RHBDD1: variants seen among roughly 807,000 people sequenced by gnomAD.
RHBDD1 encodes the protein rhomboid domain containing 1.
A neutral mutation model predicts 36.3 loss-of-function variants in RHBDD1; 38 were observed. The observed-to-expected ratio is 1.05, with a 90% CI of 0.81 to 1.37. RHBDD1 has a LOEUF of 1.37. Among genes scored for constraint, RHBDD1 ranks in the 40% most tolerant of loss-of-function variants. The pLI is 0.00. For synonymous variants in RHBDD1, 151 were observed against 136.5 expected (o/e 1.11, Z -0.74); for missense variants, 393 against 377.6 (o/e 1.04, Z -0.34).
intron 8 of RHBDD1, among the ~76,000 whole-genome samples, chr2:226,991,836 A>G (rs6728239): frequency 0.43 from 65,564 of 151,978 alleles, 14,267 homozygotes; most frequent in South Asian, 0.57. Flanking sequence ...CCCCTTTTTC[A>G]GTAGCCTCCT....
chr2:226,915,584 G>A (rs540649804), intron 8 of RHBDD1, among the ~76,000 whole-genome samples: 129 of 152,298 alleles, frequency 8.5e-4, no homozygotes, highest in Middle Eastern at 6.8e-3. Flanking sequence ...CAAGCATTAT[G>A]CTAGGTGATG....
chr2:226,988,188 T>C (rs1957418106), intron 8 of RHBDD1: 1 of 669,282 alleles, frequency 1.5e-6, no homozygotes, highest in Admixed American at 3.3e-5. Context: ...TTTAAAATAA[T>C]GTAATTAAAA....
chr2:226,921,025 C>T (rs1215844631), intron 8 of RHBDD1, among the ~76,000 whole-genome samples: 2 of 151,986 alleles, frequency 1.3e-5, no homozygotes, highest in African/African-American at 4.8e-5. Context: ...TATTATGGCA[C>T]CAATCTCATT....
intron 3 of RHBDD1, 88 bp from the exon 4 acceptor site, chr2:226,864,516 C>A: frequency 1.7e-6 from 1 of 589,414 alleles, no homozygotes; most frequent in Admixed American, 3.2e-5. Flanking sequence ...GTAGCATTTG[C>A]CTCATGGGAG....
intron 5 of RHBDD1, among the ~76,000 whole-genome samples, chr2:226,891,008 A>G (rs1022643838): frequency 2.0e-5 from 3 of 151,916 alleles, no homozygotes; most frequent in African/African-American, 4.8e-5. Context: ...CCCACCCCCA[A>G]CGCCTGTTTT....
chr2:226,838,196 A>C (rs1941201440), intron 2 of RHBDD1, 42 bp downstream of exon 2: 1 of 152,188 alleles, frequency 6.6e-6, no homozygotes, highest in African/African-American at 2.4e-5. Context: ...TTTTGATGAG[A>C]GCACGCTGCT....
intron 5 of RHBDD1, among the ~76,000 whole-genome samples, chr2:226,885,237 A>T (rs1274936610): frequency 6.6e-6 from 1 of 152,184 alleles, no homozygotes; most frequent in Non-Finnish European, 1.5e-5. Flanking sequence ...GGGGCTGTAC[A>T]TTGGTATAAA....
At chr2:226,821,217 G>C in the RHBDD1 span, among the ~76,000 whole-genome samples, 1 of 152,114 alleles carries the variant, frequency 6.6e-6, no homozygotes, top group African/African-American at 2.4e-5. Flanking sequence ...TTCAGAAGTT[G>C]GTCATACCAC....
intron 5 of RHBDD1, among the ~76,000 whole-genome samples, chr2:226,873,079 T>C (rs1054201503): frequency 2.6e-5 from 4 of 152,174 alleles, no homozygotes; most frequent in African/African-American, 7.2e-5. Context: ...ATGACTTTAC[T>C]GCAAGTGCTA....
intron 5 of RHBDD1, among the ~76,000 whole-genome samples, chr2:226,879,141 AGGACCTTTGATTTCAG>A (rs1190211383): frequency 6.6e-6 from 1 of 152,170 alleles, no homozygotes; most frequent in Non-Finnish European, 1.5e-5. Context: ...TATTATTTCA[AGGACCTTTGATTTCAG>A]CTATGTTTGT....
intron 6 of RHBDD1, among the ~76,000 whole-genome samples, chr2:226,907,430 T>C (rs181310093): frequency 1.3e-5 from 2 of 152,326 alleles, no homozygotes; most frequent in Non-Finnish European, 2.9e-5. Context: ...AAATTGATAC[T>C]CAATGAAAAT....
Position 226,836,409 on chromosome 2 carries a change from G to A in RHBDD1, c.-392+322G>A, listed in dbSNP as rs74800832. Among the ~76,000 whole-genome samples, 956 of 152,344 alleles carry A rather than the reference G, an allele frequency of 6.3e-3. 9 individuals carry two copies. The highest frequency in any genetic ancestry group is 0.022 in the African/African-American group (906 of 41,574). Reference sequence around the variant, plus strand: ...GGGTTGGCGCTGAGCGAGTTTAAAGGGTTCCTTTTGAAAGCAGGAAGTTTG... The same window carrying A: ...GGGTTGGCGCTGAGCGAGTTTAAAGAGTTCCTTTTGAAAGCAGGAAGTTTG... On this transcript the variant is annotated intron_variant, in intron 1 of 8. Transcript: ENST00000392062.
intron 8 of RHBDD1, among the ~76,000 whole-genome samples, chr2:226,926,269 A>G (rs965296528): frequency 3.9e-5 from 6 of 151,940 alleles, no homozygotes; most frequent in Admixed American, 6.6e-5. Context: ...TATCTACAAC[A>G]TCATGGCCAC....
chr2:226,966,088 ATG>A (rs1952607537), intron 8 of RHBDD1, among the ~76,000 whole-genome samples: 1 of 152,324 alleles, frequency 6.6e-6, no homozygotes, highest in East Asian at 1.9e-4. Flanking sequence ...AAATCAATAA[ATG>A]TGACTCGCCA....
At position 226,959,808 on chromosome 2, in the gene RHBDD1, CT is replaced by C. The variant is rs529315790; in HGVS notation, c.857-35614del. ...GGGTCATGTGGAAAGTGTATGTTTA[CT>C]TTTTTTTTGTTGTTTGTTTATTTTT... On this transcript the variant is annotated intron_variant, in intron 8 of 8. Transcript: ENST00000392062. 1.9e-3 allele frequency among the ~76,000 whole-genome samples: 285 copies of C among 151,318 alleles called. 1 individual carries two copies. Among genetic ancestry groups the C allele is most frequent in the Non-Finnish European group, 2.6e-3 (174 of 67,718 alleles).
intron 3 of RHBDD1, among the ~76,000 whole-genome samples, chr2:226,843,964 G>A (rs1941945108): frequency 6.6e-6 from 1 of 152,048 alleles, no homozygotes; most frequent in Admixed American, 6.6e-5. Flanking sequence ...TCATTTATTA[G>A]TCTATTCAGG....
At chr2:226,824,822 A>G in the RHBDD1 span, among the ~76,000 whole-genome samples, 1 of 152,080 alleles carries the variant, frequency 6.6e-6, no homozygotes, top group Non-Finnish European at 1.5e-5. Context: ...TGTGGATGTA[A>G]AGGCCTTTTT....
chr2:226,947,993 G>A (rs1386873723), intron 8 of RHBDD1, among the ~76,000 whole-genome samples: 3 of 152,206 alleles, frequency 2.0e-5, no homozygotes, highest in African/African-American at 7.2e-5. Flanking sequence ...TTCAGCCATT[G>A]TGGAAGTCAG....
Position 226,864,866 on chromosome 2 carries a change from A to G in RHBDD1, c.173A>G (p.Lys58Arg), listed in dbSNP as rs761177764. ...TATAGCTCCTGCCTTAGTGTGGAGA[A>G]GTGTTACCAGCAAAAAGACTGGCAG... ...PLYSSCLSVE[K>R]CYQQKDWQRL... The change falls in exon 4 of 9, where the codon AAG (lysine) becomes AGG (arginine). Residue 58 changes from lysine (K) to arginine (R), a missense_variant. Physicochemically the swap from Lys to Arg is conservative, Grantham distance 26 (BLOSUM62 2). Transcript: ENST00000392062. 1.2e-6 allele frequency: 2 copies of G among 1,614,228 alleles called. No individual in the cohort carries two copies. Among genetic ancestry groups the G allele is most frequent in the Non-Finnish European group, 8.5e-7 (1 of 1,180,046 alleles).
Sources: allele counts gnomAD v4.1 joint callset (sites outside exome capture counted in the v4.1 genomes callset), GRCh38; gene constraint gnomAD v4.1.1; transcripts MANE v1.5; gene names NCBI Gene and HGNC (gene_info 2026-07-23, HGNC 2026-07-21).